Variants in VDAC1 observed in about 807,000 individuals in gnomAD.
VDAC1 encodes non-selective voltage-gated ion channel VDAC1.
Under a neutral mutation model 34.7 loss-of-function variants are expected in VDAC1, and 10 were observed. That is an observed-to-expected ratio of 0.29 (90% CI 0.18 to 0.49). The LOEUF is 0.49. Ranked by LOEUF, VDAC1 falls within the 20% of genes least tolerant of loss-of-function variation. VDAC1 has a pLI of 0.99. For synonymous variants in VDAC1, 130 were observed against 136.0 expected (o/e 0.96, Z 0.30); for missense variants, 230 against 347.9 (o/e 0.66, Z 2.69).
At chr5:134,100,506 C>T in the VDAC1 span, among the ~76,000 whole-genome samples, 3 of 152,288 alleles carry the variant, frequency 2.0e-5, no homozygotes, top group South Asian at 4.1e-4. Context: ...GATCTGGGCT[C>T]CCTGCAGCCT....
At chr5:134,041,534 A>C in the VDAC1 span, among the ~76,000 whole-genome samples, 50 of 152,314 alleles carry the variant, frequency 3.3e-4, no homozygotes, top group Non-Finnish European at 6.2e-4. Flanking sequence ...GGAGCCCTGG[A>C]CATCAGCGCT....
the VDAC1 span, among the ~76,000 whole-genome samples, chr5:134,093,446 T>C: frequency 6.6e-6 from 1 of 152,098 alleles, no homozygotes; most frequent in African/African-American, 2.4e-5. Flanking sequence ...CATGCATATG[T>C]TTATAGCATG....
At chr5:133,987,848 A>C (rs1380051600) in intron 5 of VDAC1, among the ~76,000 whole-genome samples, 3 of 152,238 alleles carry the variant, frequency 2.0e-5, no homozygotes, top group African/African-American at 4.8e-5. Context: ...ACTGATCACC[A>C]AAAATGAGGC....
the VDAC1 span, among the ~76,000 whole-genome samples, chr5:134,072,047 G>C: frequency 2.0e-5 from 3 of 152,114 alleles, no homozygotes; most frequent in African/African-American, 7.2e-5. Flanking sequence ...CAGCAGCAGC[G>C]ATGCAAAGGG....
intron 7 of VDAC1, among the ~76,000 whole-genome samples, chr5:133,975,510 G>A (rs561378348): frequency 6.6e-6 from 1 of 151,170 alleles, no homozygotes; most frequent in Admixed American, 6.6e-5. Flanking sequence ...ACCCAGGCTG[G>A]AGTGCAGTGA....
In VDAC1 at chr5:133,972,456, C is replaced by T. The variant is rs1222223773; in HGVS notation, c.*315G>A. On this transcript the variant is annotated 3_prime_UTR_variant, in exon 9 of 9. Coordinates refer to ENST00000265333, the MANE Select transcript of VDAC1 (RefSeq NM_003374.3). ...GAAATCACAATTTCATTCATTTACT[C>T]AATATGAATTTACAAAGTGCCTACA... 2.5e-5 allele frequency: 11 copies of T among 442,446 alleles called. No homozygotes were observed. Among genetic ancestry groups the T allele is most frequent in the Non-Finnish European group, 4.4e-5 (11 of 252,838 alleles). The allele number at this position is 442,446 out of a possible 1,614,324, so 27.4% of individuals were successfully genotyped here.
At chr5:134,067,955 T>C in the VDAC1 span, among the ~76,000 whole-genome samples, 1 of 151,936 alleles carries the variant, frequency 6.6e-6, no homozygotes, top group Non-Finnish European at 1.5e-5. Context: ...CTGTCTCTAC[T>C]GAAAATAAAA....
At chr5:134,060,129 T>A in the VDAC1 span, among the ~76,000 whole-genome samples, 84,234 of 151,652 alleles carry the variant, frequency 0.56, 25,132 homozygotes, top group East Asian at 0.68. Context: ...AATGAGCACA[T>A]GTTGGGCACA....
the VDAC1 span, among the ~76,000 whole-genome samples, chr5:134,105,049 G>A: frequency 6.6e-6 from 1 of 152,206 alleles, no homozygotes; most frequent in African/African-American, 2.4e-5. Flanking sequence ...TACCTCCCGA[G>A]AGCTCCTGAG....
At chr5:134,055,887 G>C in the VDAC1 span, among the ~76,000 whole-genome samples, 1 of 151,772 alleles carries the variant, frequency 6.6e-6, no homozygotes, top group Non-Finnish European at 1.5e-5. Flanking sequence ...CTATGGGCGT[G>C]CAAGCACACA....
the VDAC1 span, among the ~76,000 whole-genome samples, chr5:134,068,530 G>A: frequency 2.0e-5 from 3 of 151,910 alleles, no homozygotes; most frequent in Non-Finnish European, 4.4e-5. Context: ...ATATTATTCA[G>A]ATCTCTTTTG....
the VDAC1 span, among the ~76,000 whole-genome samples, chr5:134,039,549 T>G: frequency 1.3e-5 from 2 of 152,118 alleles, no homozygotes; most frequent in African/African-American, 2.4e-5. Flanking sequence ...CAGGATGGTC[T>G]CGATCTGCTG....
At chr5:134,102,093 G>C in the VDAC1 span, among the ~76,000 whole-genome samples, 1 of 152,262 alleles carries the variant, frequency 6.6e-6, no homozygotes, top group East Asian at 1.9e-4. Flanking sequence ...TGAGGGTCCC[G>C]GGTCCAAACA....
chr5:133,997,838 C>A (rs1053084375), intron 1 of VDAC1, among the ~76,000 whole-genome samples: 2 of 151,128 alleles, frequency 1.3e-5, no homozygotes, highest in East Asian at 1.9e-4. Context: ...CCGAGGTGGG[C>A]GGGTCACCTG....
At chr5:134,020,983 C>A in the VDAC1 span, among the ~76,000 whole-genome samples, 1 of 139,148 alleles carries the variant, frequency 7.2e-6, no homozygotes, top group Non-Finnish European at 1.5e-5. Flanking sequence ...CATAAGGAGA[C>A]CTTGTCTCTA....
At chr5:133,996,168 G>A (rs1167696173) in intron 1 of VDAC1, among the ~76,000 whole-genome samples, 3 of 152,226 alleles carry the variant, frequency 2.0e-5, no homozygotes, top group South Asian at 2.1e-4. Context: ...GATGGCTTCA[G>A]GGCAGAGCCT....
the VDAC1 span, among the ~76,000 whole-genome samples, chr5:134,055,139 C>A: frequency 6.6e-6 from 1 of 152,198 alleles, no homozygotes; most frequent in Non-Finnish European, 1.5e-5. Flanking sequence ...GAGTGGGAAG[C>A]AGCCACAAAG....
chr5:134,069,261 C>T, the VDAC1 span, among the ~76,000 whole-genome samples: 2 of 152,080 alleles, frequency 1.3e-5, no homozygotes, highest in African/African-American at 4.8e-5. Context: ...TTCTCTAAAC[C>T]TTATGGTGCA....
the VDAC1 span, among the ~76,000 whole-genome samples, chr5:134,018,767 G>A: frequency 1.3e-5 from 2 of 152,176 alleles, no homozygotes; most frequent in African/African-American, 4.8e-5. Context: ...TGTGATTCAG[G>A]GTGAGGACTT....
Sources: gnomAD v4.1 joint callset for allele counts (sites outside exome capture counted in the v4.1 genomes callset) on GRCh38, gnomAD v4.1.1 for gene constraint, MANE v1.5 for transcripts, NCBI Gene and HGNC (gene_info 2026-07-23, HGNC 2026-07-21) for gene names.